The following BLOC1S3 variants were observed in gnomAD, a reference collection of about 807,000 sequenced individuals.
The protein encoded by BLOC1S3 is biogenesis of lysosome-related organelles complex 1 subunit 3.
A neutral mutation model predicts 9.1 loss-of-function variants in BLOC1S3; 7 were observed. The ratio of observed to expected loss-of-function variants is 0.77; its 90% CI spans 0.44 to 1.45. The LOEUF (loss-of-function observed/expected upper bound fraction) is 1.45. BLOC1S3 is among the 40% of genes most tolerant of loss of function. BLOC1S3 has a pLI of 0.01. For missense variants in BLOC1S3, 307 were observed against 315.2 expected, an observed-to-expected ratio of 0.97 and a Z score of 0.20; for synonymous variants, 145 against 158.4, an observed-to-expected ratio of 0.92 and a Z score of 0.64.
intron 3 of BLOC1S3, chr19:45,212,769 T>C (rs910227976): frequency 1.3e-5 from 4 of 299,168 alleles, no homozygotes; most frequent in African/African-American, 6.6e-5. Context: ...TAATTTTTTA[T>C]TTTTTGTAGA....
intron 2 of BLOC1S3, among the ~76,000 whole-genome samples, chr19:45,189,683 G>A (rs1031190453): frequency 1.3e-5 from 2 of 150,596 alleles, no homozygotes. Flanking sequence ...GATCTCAGGT[G>A]ATCCGCCCGC....
chr19:45,210,133 C>A (rs986908623), intron 3 of BLOC1S3, among the ~76,000 whole-genome samples: 18 of 152,032 alleles, frequency 1.2e-4, no homozygotes, highest in African/African-American at 4.3e-4. Flanking sequence ...TGTGAAAAGT[C>A]CAAAATAGGT....
At chr19:45,213,106 CG>C (rs1568478219) in intron 3 of BLOC1S3, 4 of 1,536,762 alleles carry the variant, frequency 2.6e-6, no homozygotes, top group Non-Finnish European at 3.5e-6. Context: ...AGACGGAGGC[CG>C]GGGCCGAGGC....
At chr19:45,193,478 G>GATGTCTGTGACTAGTAATTCCA (rs1280792950) in intron 2 of BLOC1S3, among the ~76,000 whole-genome samples, 3 of 152,094 alleles carry the variant, frequency 2.0e-5, no homozygotes, top group African/African-American at 7.2e-5. Flanking sequence ...GACAGTCGAT[G>GATGTCTGTGACTAGTAATTCCA]ATGTCTGTGA....
At position 45,190,990 on chromosome 19, in the gene BLOC1S3, A is replaced by G. The variant is rs558665450; in HGVS notation, n.180+3250A>G. On this transcript the variant is annotated intron_variant and non_coding_transcript_variant, in intron 2 of 3. Coordinates refer to the BLOC1S3 transcript ENST00000591569. ...CCGGCTAATTTTTTGTTTTTTTAGT[A>G]GAGACGGGGTTTCACCATGTTAGTC... Among the ~76,000 whole-genome samples, 5 of 148,044 alleles carry G rather than the reference A, an allele frequency of 3.4e-5. No individual in the cohort carries two copies. In the South Asian group the frequency reaches 8.5e-4, roughly 25 times the overall value.
intron 3 of BLOC1S3, among the ~76,000 whole-genome samples, chr19:45,214,656 T>C (rs998239617): frequency 6.6e-6 from 1 of 151,294 alleles, no homozygotes; most frequent in Non-Finnish European, 1.5e-5. Flanking sequence ...GTAGAGACGG[T>C]GTTTCACCAT....
chr19:45,193,230 G>A (rs368840043), intron 2 of BLOC1S3, among the ~76,000 whole-genome samples: 1 of 150,340 alleles, frequency 6.7e-6, no homozygotes, highest in Non-Finnish European at 1.5e-5. Flanking sequence ...TACTGTGTTC[G>A]CTCACCTGAT....
At chr19:45,208,279 T>C (rs1253683049) in intron 3 of BLOC1S3, among the ~76,000 whole-genome samples, 3 of 151,906 alleles carry the variant, frequency 2.0e-5, no homozygotes, top group African/African-American at 7.3e-5. Flanking sequence ...GCCTCTCTTT[T>C]TGTAACTTCT....
In BLOC1S3 at chr19:45,213,010, G is replaced by A. The variant is rs577841363; in HGVS notation, n.283-3666G>A. The A allele has an allele frequency of 2.4e-5, 34 of 1,422,100 alleles. No homozygotes were observed. In the East Asian group the frequency reaches 3.7e-4, roughly 15 times the overall value. 88.1% of individuals were successfully genotyped at this position (1,422,100 alleles called of 1,614,324 possible). ...CAGGGAGTCAGGAGGGGCGCCGTAC[G>A]GGAGGTTGGCTTGTCAGCAGCATAG... is the stretch of plus-strand genomic sequence containing the variant. On this transcript the variant is annotated intron_variant and non_coding_transcript_variant, in intron 3 of 3. Transcript: ENST00000591569.
At chr19:45,195,836 C>T (rs1336140048) in intron 2 of BLOC1S3, among the ~76,000 whole-genome samples, 1 of 152,202 alleles carries the variant, frequency 6.6e-6, no homozygotes, top group East Asian at 1.9e-4. Context: ...TTCAGGTGAT[C>T]CACCCGCCTT....
chr19:45,206,907 G>C (rs1969731782), intron 3 of BLOC1S3, among the ~76,000 whole-genome samples: 1 of 151,976 alleles, frequency 6.6e-6, no homozygotes, highest in African/African-American at 2.4e-5. Context: ...GCACGACCTA[G>C]GCTCACTACA....
chr19:45,213,170 A>C, intron 3 of BLOC1S3: 2 of 1,599,590 alleles, frequency 1.3e-6, no homozygotes, highest in Non-Finnish European at 1.7e-6. Flanking sequence ...CGGCCCAGGA[A>C]GAGAGGGAGG....
intron 3 of BLOC1S3, chr19:45,213,044 A>G (rs200809286): frequency 5.5e-6 from 8 of 1,462,846 alleles, no homozygotes; most frequent in Non-Finnish European, 6.3e-6. Flanking sequence ...AGATGGGGTC[A>G]CTAAGGCCGG....
At chr19:45,182,708 A>G (rs923586944), downstream of BLOC1S3, among the ~76,000 whole-genome samples, 7 of 152,152 alleles carry the variant, frequency 4.6e-5, no homozygotes, top group African/African-American at 1.7e-4. Flanking sequence ...AATAGAGACG[A>G]GCTCTCACAA....
At chr19:45,189,578 A>G (rs1052258527) in intron 2 of BLOC1S3, among the ~76,000 whole-genome samples, 1 of 146,686 alleles carries the variant, frequency 6.8e-6, no homozygotes, top group African/African-American at 2.5e-5. Context: ...GATTATAGGC[A>G]TGTGCCACCA....
chr19:45,183,623 C>CTTTTTTTTTTTT (rs57651816), downstream of BLOC1S3, among the ~76,000 whole-genome samples: 83 of 105,066 alleles, frequency 7.9e-4, 1 homozygote, highest in Non-Finnish European at 9.2e-4. Flanking sequence ...CTTTTCTTTT[C>CTTTTTTTTTTTT]TTTTTTTTTT....
intron 3 of BLOC1S3, among the ~76,000 whole-genome samples, chr19:45,206,469 T>TTTTTTTTTTTTTTTTTG (rs1969728255): frequency 7.1e-6 from 1 of 141,414 alleles, no homozygotes; most frequent in African/African-American, 2.7e-5. Flanking sequence ...TTTTTTTTTT[T>TTTTTTTTTTTTTTTTTG]TTTTGAGCAA....
At position 45,179,667 on chromosome 19, in the gene BLOC1S3, TG is replaced by T; in HGVS notation, c.373del (p.Ala125ArgfsTer4). 1 of 1,466,984 alleles carries T rather than the reference TG, an allele frequency of 6.8e-7. No homozygotes were observed. Among genetic ancestry groups the T allele is most frequent in the Non-Finnish European group, 9.0e-7 (1 of 1,115,106 alleles). The allele number at this position is 1,466,984 out of a possible 1,614,324, so 90.9% of individuals were successfully genotyped here. The part of the protein sequence containing the change: ...AESQARLDHD[V>X]AAAVSGVYRR... ...AGCCAGGCGCGGCTGGACCACGACG[TG>T]GCGGCCGCCGTGAGCGGTGTCTACC... On this transcript the variant is annotated frameshift_variant, in exon 2 of 2. Coordinates refer to ENST00000433642, the MANE Select transcript of BLOC1S3 (RefSeq NM_212550.5). LOFTEE classifies it high-confidence loss of function. This position sits in a 1 kb window ranked among gnomAD's most constrained non-coding sequence, Gnocchi z 4.6.
intron 3 of BLOC1S3, among the ~76,000 whole-genome samples, chr19:45,215,158 AAAC>A (rs887288571): frequency 7.1e-4 from 108 of 152,056 alleles, no homozygotes; most frequent in African/African-American, 2.5e-3. Context: ...AAAACAAAAC[AAAC>A]AACAACAAAA....
Sources: gnomAD v4.1 joint callset for allele counts (sites outside exome capture counted in the v4.1 genomes callset) on GRCh38, gnomAD v4.1.1 for gene constraint, Gnocchi (gnomAD v3.1) non-coding constraint, MANE v1.5 for transcripts, NCBI Gene and HGNC (gene_info 2026-07-23, HGNC 2026-07-21) for gene names.